Variants in CDC42BPB observed in about 807,000 individuals in gnomAD.
CDC42BPB encodes serine/threonine-protein kinase MRCK beta.
In CDC42BPB, 37 loss-of-function variants were observed where a neutral mutation model predicts 214.9. The ratio of observed to expected loss-of-function variants is 0.17; its 90% CI spans 0.13 to 0.23. CDC42BPB has a LOEUF of 0.23. Ranked by LOEUF, CDC42BPB falls within the 10% of genes least tolerant of loss-of-function variation. The pLI is 1.00. For missense variants in CDC42BPB, 1,694 were observed against 2,227.0 expected (o/e 0.76, Z 4.82); for synonymous variants, 931 against 884.0 (o/e 1.05, Z -0.94).
chr14:103,022,990 G>C (rs1018696880), intron 1 of CDC42BPB, among the ~76,000 whole-genome samples: 1 of 151,642 alleles, frequency 6.6e-6, no homozygotes, highest in Non-Finnish European at 1.5e-5. Context: ...CACAGATATA[G>C]CTATTTTTTT....
intron 2 of CDC42BPB, 89 bp from the exon 3 acceptor site, chr14:103,008,644 C>A: frequency 6.5e-7 from 1 of 1,544,940 alleles, no homozygotes; most frequent in Non-Finnish European, 8.7e-7. Context: ...ATCCTAACAG[C>A]CCAGGAGCCT....
At chr14:102,966,524 T>G in intron 17 of CDC42BPB, 137 bp from the exon 18 acceptor site, 1 of 1,457,724 alleles carries the variant, frequency 6.9e-7, no homozygotes, top group South Asian at 1.4e-5. Flanking sequence ...AGTGTACCCG[T>G]TGTATACACG....
At chr14:103,014,736 T>A (rs1886359019) in intron 1 of CDC42BPB, among the ~76,000 whole-genome samples, 1 of 151,780 alleles carries the variant, frequency 6.6e-6, no homozygotes, top group Non-Finnish European at 1.5e-5. Context: ...CAAATACACA[T>A]CAGCAGAGAT....
In CDC42BPB at chr14:102,934,295, G is replaced by C. The variant is rs35626931; in HGVS notation, c.5005-452C>G. ...TACGCCTGTAATCCCAGCACTTTGGGAGGCCAAGGCAGGCGGATCACAAAG... is the reference window on the plus strand; with the variant it reads ...TACGCCTGTAATCCCAGCACTTTGGCAGGCCAAGGCAGGCGGATCACAAAG... On this transcript the variant is annotated intron_variant, in intron 36 of 36. Transcript: ENST00000361246. 1,019 of 155,620 alleles carry C rather than the reference G, an allele frequency of 6.5e-3. 6 individuals carry two copies. Among genetic ancestry groups the C allele is most frequent in the Non-Finnish European group, 0.012 (833 of 70,460 alleles). 9.6% of individuals were successfully genotyped at this position (155,620 alleles called of 1,614,324 possible).
chr14:102,973,620 A>G (rs539647862), intron 12 of CDC42BPB, among the ~76,000 whole-genome samples: 5 of 151,422 alleles, frequency 3.3e-5, no homozygotes, highest in African/African-American at 7.3e-5. Flanking sequence ...CCCTATGCAC[A>G]GCCACCATGC....
chr14:103,053,132 G>C (rs1171614952), intron 1 of CDC42BPB, among the ~76,000 whole-genome samples: 2 of 151,476 alleles, frequency 1.3e-5, no homozygotes, highest in Non-Finnish European at 2.9e-5. Flanking sequence ...GGTGGATCAC[G>C]AGGTCAGGAC....
intron 1 of CDC42BPB, among the ~76,000 whole-genome samples, 195 bp downstream of exon 1, chr14:103,056,804 T>G (rs1888999333): frequency 6.6e-6 from 1 of 150,504 alleles, no homozygotes; most frequent in Admixed American, 6.6e-5. Flanking sequence ...GGGACGAGGG[T>G]GCAAGGAGCG....
chr14:102,980,432 G>A (rs1168024904), intron 8 of CDC42BPB, among the ~76,000 whole-genome samples: 1 of 152,094 alleles, frequency 6.6e-6, no homozygotes, highest in Non-Finnish European at 1.5e-5. Flanking sequence ...GTCAGAGGTT[G>A]CAGTGAGCTG....
At chr14:102,934,807 T>C (rs1190235) in intron 36 of CDC42BPB, among the ~76,000 whole-genome samples, 149,462 of 151,998 alleles carry the variant, frequency 0.98, 73,500 homozygotes, top group Middle Eastern at 1. Flanking sequence ...GTCAGGAGAT[T>C]GAGACCATCC....
Position 103,044,645 on chromosome 14 carries a change from G to A in CDC42BPB, c.175+12354C>T, listed in dbSNP as rs376975089. On this transcript the variant is annotated intron_variant, in intron 1 of 36. Transcript: ENST00000361246. ...CAGTCTCCCAAAGTGCTGGGATTAC[G>A]GGCGTGAGCCACCACGCCTGGCCCT... Among the ~76,000 whole-genome samples, 85 of 151,314 alleles carry A rather than the reference G, an allele frequency of 5.6e-4. 1 individual carries two copies. In the East Asian group the frequency reaches 0.01, roughly 18 times the overall value.
chr14:103,037,911 C>A (rs1359767322), intron 1 of CDC42BPB, among the ~76,000 whole-genome samples: 1 of 151,918 alleles, frequency 6.6e-6, no homozygotes, highest in Non-Finnish European at 1.5e-5. Context: ...CGCCTATAGT[C>A]CCAGCTACTT....
At chr14:103,038,876 G>A (rs1046034462) in intron 1 of CDC42BPB, among the ~76,000 whole-genome samples, 9 of 151,800 alleles carry the variant, frequency 5.9e-5, no homozygotes, top group South Asian at 2.1e-4. Context: ...AATTTTAACC[G>A]TTTTTTGAGA....
In CDC42BPB at chr14:102,978,677, CTATT is replaced by C. The variant is rs544065821; in HGVS notation, c.1141-476_1141-473del. On this transcript the variant is annotated intron_variant, in intron 8 of 36. Coordinates refer to ENST00000361246, the MANE Select transcript of CDC42BPB (RefSeq NM_006035.4). ...TATTTTAGATAAGTTTATTATAACTCTATTTTTCATTCTGAGGATCTTTCTTTAT... is the reference window on the plus strand; with the variant it reads ...TATTTTAGATAAGTTTATTATAACTCTTTCATTCTGAGGATCTTTCTTTAT... 5.3e-5 allele frequency among the ~76,000 whole-genome samples: 8 copies of C among 152,300 alleles called. No individual in the cohort carries two copies. The East Asian group carries it at 1.5e-3, about 29-fold the overall frequency.
At chr14:102,960,995 AAAAT>A (rs530956316) in intron 20 of CDC42BPB, among the ~76,000 whole-genome samples, 4 of 151,790 alleles carry the variant, frequency 2.6e-5, no homozygotes, top group East Asian at 3.9e-4. Context: ...CCCATCTCTA[AAAAT>A]AAATAAATAA....
Position 102,943,266 on chromosome 14 carries a change from T to G in CDC42BPB, c.4408+625A>C, listed in dbSNP as rs2139359403. 6.6e-6 allele frequency among the ~76,000 whole-genome samples: 1 copy of G among 152,232 alleles called. No homozygotes were observed. The highest frequency in any genetic ancestry group is 6.5e-5 in the Admixed American group (1 of 15,288). On this transcript the variant is annotated intron_variant, in intron 30 of 36. Transcript: ENST00000361246. This position sits in a 1 kb window ranked among gnomAD's most constrained non-coding sequence, Gnocchi z 4.6. ...TGGGATTACAGGTGTGAGCCACCGC[T>G]CTCCACCCGGTTTAAGGTTTTAAAA... is the stretch of plus-strand genomic sequence containing the variant.
chr14:103,053,655 A>C (rs573139799), intron 1 of CDC42BPB, among the ~76,000 whole-genome samples: 5 of 149,866 alleles, frequency 3.3e-5, no homozygotes, highest in Non-Finnish European at 5.9e-5. Flanking sequence ...CCAGCTACTC[A>C]GGAGGCTGAG....
At chr14:102,987,590 C>A (rs886330822) in intron 5 of CDC42BPB, among the ~76,000 whole-genome samples, 3 of 152,094 alleles carry the variant, frequency 2.0e-5, no homozygotes, top group African/African-American at 7.2e-5. Flanking sequence ...ACTCCCCCAG[C>A]CACATGAATC....
At chr14:102,954,735 C>T in intron 21 of CDC42BPB, 47 bp from the exon 22 acceptor site, 1 of 1,581,082 alleles carries the variant, frequency 6.3e-7, no homozygotes. Context: ...ACATATTCTA[C>T]ATGATCCAGA....
intron 36 of CDC42BPB, among the ~76,000 whole-genome samples, chr14:102,937,527 G>A (rs1891695221): frequency 6.6e-6 from 1 of 152,224 alleles, no homozygotes; most frequent in Admixed American, 6.5e-5. Flanking sequence ...TCCAAGGATG[G>A]CGCCGGGGGC....
Sources: allele counts gnomAD v4.1 joint callset (sites outside exome capture counted in the v4.1 genomes callset), GRCh38; gene constraint gnomAD v4.1.1; non-coding constraint Gnocchi (gnomAD v3.1); transcripts MANE v1.5; gene names NCBI Gene and HGNC (gene_info 2026-07-23, HGNC 2026-07-21).